GLCE: variants seen among roughly 807,000 people sequenced by gnomAD.
GLCE encodes the protein D-glucuronyl C5-epimerase.
Under a neutral mutation model 47.9 loss-of-function variants are expected in GLCE, and 19 were observed. That is an observed-to-expected ratio of 0.40 (90% CI 0.28 to 0.58). The LOEUF (loss-of-function observed/expected upper bound fraction) is 0.58, where lower values mean the gene tolerates loss of function less well. GLCE is among the 20% of genes least tolerant of loss of function. The pLI is 0.48. For synonymous variants in GLCE, 245 were observed against 263.4 expected, an observed-to-expected ratio of 0.93 and a Z score of 0.68; for missense variants, 556 against 743.3, an observed-to-expected ratio of 0.75 and a Z score of 2.93.
chr15:69,191,630 TCTGCC>T lies in GLCE; in HGVS notation c.-104-18685_-104-18681del, dbSNP rs1595746340. On this transcript the variant is annotated intron_variant, in intron 1 of 4. Transcript: ENST00000261858. ...TTGGGAGCTGGTCAGGTAAGCGTCC[TCTGCC>T]TAGCATGTAGCAAAATTCCAGTTTC... Among the ~76,000 whole-genome samples the T allele has an allele frequency of 2.6e-5, 4 of 152,318 alleles. No homozygotes were observed. In the East Asian group the frequency reaches 7.7e-4, roughly 29 times the overall value.
At chr15:69,195,390 T>G (rs541822971) in intron 1 of GLCE, among the ~76,000 whole-genome samples, 1 of 152,050 alleles carries the variant, frequency 6.6e-6, no homozygotes, top group Non-Finnish European at 1.5e-5. Flanking sequence ...GGAAAACACA[T>G]CAAAGGTTAC....
chr15:69,195,555 T>A (rs1186922178), intron 1 of GLCE, among the ~76,000 whole-genome samples: 1 of 152,158 alleles, frequency 6.6e-6, no homozygotes, highest in Non-Finnish European at 1.5e-5. Flanking sequence ...GTATGTGGAT[T>A]GTCTACTTTA....
At chr15:69,213,400 C>T (rs187524151) in intron 2 of GLCE, among the ~76,000 whole-genome samples, 5 of 152,184 alleles carry the variant, frequency 3.3e-5, no homozygotes, top group African/African-American at 7.2e-5. Flanking sequence ...TTGAAAGACT[C>T]CTGGTCAGGT....
At chr15:69,254,334 G>A (rs2052890635) in intron 2 of GLCE, among the ~76,000 whole-genome samples, 1 of 152,134 alleles carries the variant, frequency 6.6e-6, no homozygotes, top group Admixed American at 6.5e-5. Context: ...ATCACAACAG[G>A]CTCATACACC....
In GLCE at chr15:69,268,551, T is replaced by G. The variant is rs765615243; in HGVS notation, c.1161T>G (p.Gly387=). 4.3e-6 allele frequency: 7 copies of G among 1,613,964 alleles called. No individual in the cohort carries two copies. Among genetic ancestry groups the G allele is most frequent in the Non-Finnish European group, 5.9e-6 (7 of 1,180,012 alleles). ...PKKVVRLIAK[G]KGFLDNITIS... is the part of the protein sequence containing the mutation. ...AGGTGGTTAGGTTGATTGCAAAAGGTAAGGGATTCCTCGACAACATTACCA... is the reference window on the plus strand; with the variant it reads ...AGGTGGTTAGGTTGATTGCAAAAGGGAAGGGATTCCTCGACAACATTACCA... The change falls in exon 5 of 5, where the codon GGT becomes GGG. Residue 387 remains glycine, a synonymous_variant. Transcript: ENST00000261858.
intron 1 of GLCE, among the ~76,000 whole-genome samples, chr15:69,190,141 G>A (rs1254401357): frequency 1.3e-5 from 2 of 151,806 alleles, no homozygotes; most frequent in African/African-American, 4.8e-5. Flanking sequence ...TAATTTTATT[G>A]TGATCAGAGA....
rs371045728 is a variant in GLCE at position 69,189,873 on chromosome 15, G to A, written c.-104-20443G>A. 6.0e-4 allele frequency among the ~76,000 whole-genome samples: 91 copies of A among 151,858 alleles called. 1 individual carries two copies. The Middle Eastern group carries it at 0.017, about 28-fold the overall frequency. On this transcript the variant is annotated intron_variant, in intron 1 of 4. Transcript: ENST00000261858. The stretch of plus-strand genomic sequence containing the variant: ...GTACATGTGCAGGTTTGTTATATAG[G>A]TAAACTTGTGTCATGGAGGTTTGTT...
Position 69,255,778 on chromosome 15 carries a change from C to A in GLCE, c.-13-16C>A. On this transcript the variant is annotated splice_polypyrimidine_tract_variant and intron_variant, in intron 2 of 4. Transcript: ENST00000261858. ...AGTACATCTTTGCATGATTTTTTTT[C>A]TTCTTGCCTCCATAGGTATGGTCTG... 7.1e-7 allele frequency: 1 copy of A among 1,403,216 alleles called. No individual in the cohort carries two copies. The highest frequency in any genetic ancestry group is 9.8e-7 in the Non-Finnish European group (1 of 1,017,994). 86.9% of individuals were successfully genotyped at this position (1,403,216 alleles called of 1,614,324 possible).
chr15:69,263,177 A>G (rs191284265), intron 4 of GLCE, among the ~76,000 whole-genome samples: 51 of 152,284 alleles, frequency 3.3e-4, no homozygotes, highest in African/African-American at 1.2e-3. Flanking sequence ...GCATACTATA[A>G]GAGTATGAGA....
At chr15:69,171,190 T>G (rs1245288977) in intron 1 of GLCE, among the ~76,000 whole-genome samples, 1 of 152,144 alleles carries the variant, frequency 6.6e-6, no homozygotes, top group African/African-American at 2.4e-5. Context: ...CCAATCACCC[T>G]CAATATAAAC....
chr15:69,175,576 G>T (rs544187735), intron 1 of GLCE, among the ~76,000 whole-genome samples: 16 of 152,308 alleles, frequency 1.1e-4, no homozygotes, highest in Admixed American at 9.8e-4. Context: ...TGTTGATGAA[G>T]TTAGTTTATA....
Position 69,218,281 on chromosome 15 carries a change from C to T in GLCE, c.-14+7875C>T, listed in dbSNP as rs182290125. ...TCCCAGCATTTTGGGAAGCTAAGGC[C>T]GGTGGATTCCTTGAGCTCAGGAGTT... is the stretch of plus-strand genomic sequence containing the variant. On this transcript the variant is annotated intron_variant, in intron 2 of 4. Coordinates refer to ENST00000261858, the MANE Select transcript of GLCE (RefSeq NM_015554.3). 9.9e-5 allele frequency among the ~76,000 whole-genome samples: 15 copies of T among 151,926 alleles called. No individual in the cohort carries two copies. In the East Asian group the frequency reaches 1.4e-3, roughly 14 times the overall value.
intron 2 of GLCE, among the ~76,000 whole-genome samples, chr15:69,242,283 C>T (rs2052683060): frequency 1.3e-5 from 2 of 152,098 alleles, no homozygotes; most frequent in Non-Finnish European, 2.9e-5. Context: ...TGCCACACTA[C>T]TTTTTATTTG....
At chr15:69,216,425 T>C (rs574205386) in intron 2 of GLCE, among the ~76,000 whole-genome samples, 2 of 152,268 alleles carry the variant, frequency 1.3e-5, no homozygotes, top group African/African-American at 4.8e-5. Context: ...AAACTTGGGC[T>C]ACTTTATATA....
intron 1 of GLCE, among the ~76,000 whole-genome samples, chr15:69,163,145 C>T (rs1225833634): frequency 2.0e-5 from 3 of 152,162 alleles, no homozygotes; most frequent in African/African-American, 7.2e-5. Flanking sequence ...GCCCCCAAAC[C>T]TGTAAGCAGA....
intron 1 of GLCE, chr15:69,194,609 A>G (rs1435020705): frequency 6.6e-6 from 1 of 152,136 alleles, no homozygotes. Flanking sequence ...TCTGGCAGTA[A>G]TAAACGGCAA....
At chr15:69,218,790 G>A (rs184188563) in intron 2 of GLCE, among the ~76,000 whole-genome samples, 23 of 152,160 alleles carry the variant, frequency 1.5e-4, no homozygotes, top group Non-Finnish European at 2.9e-5. Context: ...ACTGATAATT[G>A]TTTCCTTAGA....
At chr15:69,217,487 T>G (rs12442653) in intron 2 of GLCE, among the ~76,000 whole-genome samples, 18,756 of 152,030 alleles carry the variant, frequency 0.12, 1,229 homozygotes, top group East Asian at 0.16. Flanking sequence ...GGTTTTTATT[T>G]GTTCTGTAAG....
chr15:69,181,749 A>C (rs2051751519), intron 1 of GLCE, among the ~76,000 whole-genome samples: 1 of 152,164 alleles, frequency 6.6e-6, no homozygotes, highest in Non-Finnish European at 1.5e-5. Flanking sequence ...TTTGCTGAAG[A>C]GGGAGGGAGA....
Sources: allele counts gnomAD v4.1 joint callset (sites outside exome capture counted in the v4.1 genomes callset), GRCh38; gene constraint gnomAD v4.1.1; transcripts MANE v1.5; gene names NCBI Gene and HGNC (gene_info 2026-07-23, HGNC 2026-07-21).